The following LAMA2 variants were observed in gnomAD, a reference collection of about 807,000 sequenced individuals.
LAMA2 encodes laminin subunit alpha-2.
LAMA2 carries 269 observed loss-of-function variants against 364.8 expected under a neutral mutation model. That is an observed-to-expected ratio of 0.74 (90% CI 0.67 to 0.82). The LOEUF (loss-of-function observed/expected upper bound fraction) is 0.82, where lower values mean the gene tolerates loss of function less well. Ranked by LOEUF, LAMA2 falls within the 40% of genes least tolerant of loss-of-function variation. The pLI is 0.00. For synonymous variants in LAMA2, 1,379 were observed against 1,370.6 expected (o/e 1.01, Z -0.14); for missense variants, 3,807 against 3,873.2 (o/e 0.98, Z 0.45).
rs1363185527 is a variant in LAMA2 at position 129,315,804 on chromosome 6, G to C, written c.3778G>C (p.Glu1260Gln). The C allele has an allele frequency of 3.1e-6, 5 of 1,613,998 alleles. No individual in the cohort carries two copies. In the South Asian group the frequency reaches 4.4e-5, roughly 14 times the overall value. Reference sequence around the variant, plus strand: ...CAAACTCAAGTATGCAATCTATTTCGAGGCTCGGGAAGAAACAGGTTTCTC... The same window carrying C: ...CAAACTCAAGTATGCAATCTATTTCCAGGCTCGGGAAGAAACAGGTTTCTC... ...GGKLKYAIYF[E>Q]AREETGFSTY... Residue 1260 changes from glutamate (E) to glutamine (Q), a missense_variant, in exon 26 of 65, where the codon GAG becomes CAG. Glu to Gln is a conservative substitution (Grantham distance 29). Transcript: ENST00000421865.
intron 45 of LAMA2, among the ~76,000 whole-genome samples, chr6:129,450,675 A>G (rs1782631138): frequency 6.6e-6 from 1 of 152,222 alleles, no homozygotes; most frequent in South Asian, 2.1e-4. Flanking sequence ...TAGCCATAAT[A>G]CAGCCATAGG....
chr6:129,033,396 C>A (rs1361473686), intron 1 of LAMA2, among the ~76,000 whole-genome samples: 1 of 152,140 alleles, frequency 6.6e-6, no homozygotes, highest in Non-Finnish European at 1.5e-5. Flanking sequence ...TGGGGAACAG[C>A]ATCTTTCCTG....
intron 2 of LAMA2, among the ~76,000 whole-genome samples, chr6:129,053,007 A>G (rs1202199934): frequency 2.0e-5 from 3 of 152,174 alleles, no homozygotes; most frequent in Non-Finnish European, 4.4e-5. Flanking sequence ...ATGTTAAGAC[A>G]CCAAAGAAGG....
At chr6:129,058,380 C>T (rs1486695728) in intron 2 of LAMA2, among the ~76,000 whole-genome samples, 2 of 152,168 alleles carry the variant, frequency 1.3e-5, no homozygotes, top group Non-Finnish European at 2.9e-5. Context: ...GGAGCTGCAA[C>T]AAAGGTCACA....
At chr6:129,317,719 T>G (rs1230028443) in intron 27 of LAMA2, among the ~76,000 whole-genome samples, 1 of 151,432 alleles carries the variant, frequency 6.6e-6, no homozygotes, top group Non-Finnish European at 1.5e-5. Flanking sequence ...TAGCAGGTAA[T>G]TTCGTGAGTT....
intron 1 of LAMA2, among the ~76,000 whole-genome samples, chr6:128,982,861 G>T (rs1267133292): frequency 6.7e-6 from 1 of 149,750 alleles, no homozygotes; most frequent in African/African-American, 2.5e-5. Flanking sequence ...AACATGCGGT[G>T]TTTGGTTTTT....
rs373849411 is a variant in LAMA2, at chr6:128,885,866, G to A, written c.112+2509G>A. Among the ~76,000 whole-genome samples, 12 of 152,094 alleles carry A rather than the reference G, an allele frequency of 7.9e-5. No individual in the cohort carries two copies. In the South Asian group the frequency reaches 2.3e-3, roughly 29 times the overall value. Reference sequence around the variant, plus strand: ...TGATTCAGCAAGAATGATATTCCAAGGAAATTCTTTAGCTATATTTAAAAT... The same window carrying A: ...TGATTCAGCAAGAATGATATTCCAAAGAAATTCTTTAGCTATATTTAAAAT... On this transcript the variant is annotated intron_variant, in intron 1 of 64. Coordinates refer to ENST00000421865, the MANE Select transcript of LAMA2 (RefSeq NM_000426.4).
chr6:128,957,924 G>T (rs1781255472), intron 1 of LAMA2, among the ~76,000 whole-genome samples: 1 of 138,846 alleles, frequency 7.2e-6, no homozygotes, highest in African/African-American at 2.7e-5. Flanking sequence ...ATCAAGAAGA[G>T]TTGTATCATC....
intron 1 of LAMA2, among the ~76,000 whole-genome samples, chr6:129,011,044 G>A (rs1049898180): frequency 6.6e-6 from 1 of 152,088 alleles, no homozygotes; most frequent in Non-Finnish European, 1.5e-5. Context: ...GCAGTGGCTT[G>A]ATCTTGGCTC....
At chr6:129,397,946 A>G (rs1475745961) in intron 37 of LAMA2, among the ~76,000 whole-genome samples, 1 of 69,482 alleles carries the variant, frequency 1.4e-5, no homozygotes, top group Non-Finnish European at 5.1e-5. Context: ...CAGAAAAAAA[A>G]AAAAAAAAAA....
intron 8 of LAMA2, among the ~76,000 whole-genome samples, chr6:129,164,501 T>C (rs900702315): frequency 1.3e-5 from 2 of 152,228 alleles, no homozygotes; most frequent in Admixed American, 1.3e-4. Context: ...GTTTCTGTTA[T>C]GTTCCTCTGA....
intron 4 of LAMA2, among the ~76,000 whole-genome samples, chr6:129,125,801 CA>C (rs1453813604): frequency 6.6e-6 from 1 of 152,078 alleles, no homozygotes; most frequent in African/African-American, 2.4e-5. Context: ...CAAATGCTCT[CA>C]TCATAAAAAA....
chr6:129,505,685 CT>C (rs1395842899), intron 61 of LAMA2, among the ~76,000 whole-genome samples: 2 of 151,748 alleles, frequency 1.3e-5, no homozygotes, highest in African/African-American at 2.4e-5. Flanking sequence ...ATTTTTTGTA[CT>C]TTTAATAGAG....
intron 1 of LAMA2, among the ~76,000 whole-genome samples, chr6:128,953,604 T>A (rs954119873): frequency 6.8e-6 from 1 of 147,488 alleles, no homozygotes; most frequent in African/African-American, 2.5e-5. Context: ...GACTTGTGTG[T>A]GTGTGTGTGT....
chr6:128,913,834 G>A (rs1198728882), intron 1 of LAMA2, among the ~76,000 whole-genome samples: 1 of 152,164 alleles, frequency 6.6e-6, no homozygotes, highest in Non-Finnish European at 1.5e-5. Flanking sequence ...GTGTGCAAGG[G>A]AAAAGAAAAT....
Position 129,031,455 on chromosome 6 carries a change from T to A in LAMA2, c.113-18463T>A, listed in dbSNP as rs75239455. 7.3e-3 allele frequency among the ~76,000 whole-genome samples: 1,115 copies of A among 152,284 alleles called. 16 individuals are homozygous for A. Among genetic ancestry groups the A allele is most frequent in the African/African-American group, 0.025 (1,055 of 41,560 alleles). Reference sequence around the variant, plus strand: ...ATCAGTTAGTCAATCAAACTCCTAATTTATCAACCAAACCAACCTAATCCC... The same window carrying A: ...ATCAGTTAGTCAATCAAACTCCTAAATTATCAACCAAACCAACCTAATCCC... On this transcript the variant is annotated intron_variant, in intron 1 of 64. Transcript: ENST00000421865.
intron 4 of LAMA2, among the ~76,000 whole-genome samples, chr6:129,105,055 T>C (rs553535617): frequency 6.6e-6 from 1 of 152,072 alleles, no homozygotes; most frequent in African/African-American, 2.4e-5. Context: ...CTTAAAACAG[T>C]TTTATTTTAG....
At chr6:129,489,834 T>A (rs2784906) in intron 56 of LAMA2, among the ~76,000 whole-genome samples, 99,388 of 151,694 alleles carry the variant, frequency 0.66, 33,129 homozygotes, top group Non-Finnish European at 0.72. Context: ...GATATGGTTT[T>A]AAAAAAAATC....
intron 9 of LAMA2, among the ~76,000 whole-genome samples, chr6:129,172,341 A>G (rs1367658369): frequency 3.3e-5 from 5 of 152,192 alleles, no homozygotes; most frequent in African/African-American, 9.6e-5. Context: ...GGTGATGTAC[A>G]GATGGGTTTT....
Sources: allele counts gnomAD v4.1 joint callset (sites outside exome capture counted in the v4.1 genomes callset), GRCh38; gene constraint gnomAD v4.1.1; transcripts MANE v1.5; gene names NCBI Gene and HGNC (gene_info 2026-07-23, HGNC 2026-07-21).